The following MTF2 variants were observed in gnomAD, a reference collection of about 807,000 sequenced individuals.
MTF2 encodes metal-response element-binding transcription factor 2.
A neutral mutation model predicts 79.5 loss-of-function variants in MTF2; 11 were observed. The observed-to-expected ratio is 0.14, with a 90% confidence interval of 0.09 to 0.23. MTF2 has a LOEUF of 0.23. Ranked by LOEUF, MTF2 falls within the 10% of genes least tolerant of loss-of-function variation. MTF2 has a pLI of 1.00. For missense variants in MTF2, 486 were observed against 711.2 expected, an observed-to-expected ratio of 0.68 and a Z score of 3.60; for synonymous variants, 208 against 232.8, an observed-to-expected ratio of 0.89 and a Z score of 0.97.
chr1:93,116,238 T>C (rs1394050152), intron 6 of MTF2, among the ~76,000 whole-genome samples: 6 of 13,606 alleles, frequency 4.4e-4, no homozygotes, highest in Non-Finnish European at 1.2e-3. Context: ...TAAAAAGTAT[T>C]TTTTTTTTTG....
intron 1 of MTF2, among the ~76,000 whole-genome samples, chr1:93,083,397 T>C (rs1654695296): frequency 6.6e-6 from 1 of 152,228 alleles, no homozygotes; most frequent in African/African-American, 2.4e-5. Context: ...TTATAGTCAC[T>C]TCATATCTTT....
chr1:93,110,902 C>T (rs531100739), intron 3 of MTF2, among the ~76,000 whole-genome samples: 10 of 152,206 alleles, frequency 6.6e-5, no homozygotes, highest in Admixed American at 5.2e-4. Flanking sequence ...ATCTCAGTAA[C>T]GGTTTGGGAT....
At chr1:93,125,081 A>G (rs972585789) in intron 9 of MTF2, among the ~76,000 whole-genome samples, 2 of 152,024 alleles carry the variant, frequency 1.3e-5, no homozygotes, top group African/African-American at 4.8e-5. Context: ...TAGGGAGTAA[A>G]TACCAAAAGA....
chr1:93,119,003 A>G (rs1181331100), intron 7 of MTF2, among the ~76,000 whole-genome samples: 1 of 152,240 alleles, frequency 6.6e-6, no homozygotes, highest in African/African-American at 2.4e-5. Context: ...GTTGAATTAA[A>G]CTATGTATGT....
intron 1 of MTF2, among the ~76,000 whole-genome samples, chr1:93,104,480 A>G (rs1655675806): frequency 1.3e-5 from 2 of 151,476 alleles, no homozygotes; most frequent in African/African-American, 2.4e-5. Context: ...GGAGATCAAG[A>G]CCATTCTGGC....
At chr1:93,129,022 A>G in intron 10 of MTF2, 1 of 282,510 alleles carries the variant, frequency 3.5e-6, no homozygotes. Context: ...TCCTTTAAAA[A>G]GTTAGTTGCC....
chr1:93,087,818 A>G (rs1470601086), intron 1 of MTF2, among the ~76,000 whole-genome samples: 6 of 152,186 alleles, frequency 3.9e-5, no homozygotes, highest in Non-Finnish European at 5.9e-5. Flanking sequence ...GGTATTACCT[A>G]TCTTTCTTTA....
chr1:93,134,289 A>C, intron 14 of MTF2, 94 bp downstream of exon 14: 1 of 888,024 alleles, frequency 1.1e-6, no homozygotes, highest in Non-Finnish European at 1.7e-6. Flanking sequence ...AGCAATTGAA[A>C]GTGATGTAAG....
intron 1 of MTF2, among the ~76,000 whole-genome samples, chr1:93,101,962 G>A (rs911747291): frequency 1.3e-5 from 2 of 152,026 alleles, no homozygotes; most frequent in African/African-American, 2.4e-5. Context: ...TTGTTAAACT[G>A]AAACTATATG....
chr1:93,109,239 A>G (rs918063412), intron 1 of MTF2, among the ~76,000 whole-genome samples: 15 of 152,174 alleles, frequency 9.9e-5, no homozygotes, highest in Non-Finnish European at 1.9e-4. Flanking sequence ...TTTGCTGTTT[A>G]TGGAATGTCT....
chr1:93,122,541 A>G (rs1409863663), intron 9 of MTF2, among the ~76,000 whole-genome samples: 2 of 152,178 alleles, frequency 1.3e-5, no homozygotes, highest in African/African-American at 4.8e-5. Flanking sequence ...TCTGAAACAT[A>G]CTAGAAAAAA....
At position 93,121,821 on chromosome 1, in the gene MTF2, A is replaced by G. The variant is rs1487763647; in HGVS notation, c.921+1149A>G. 8 of 719,708 alleles carry G rather than the reference A, an allele frequency of 1.1e-5. No homozygotes were observed. The African/African-American group carries it at 1.8e-4, about 16-fold the overall frequency. The allele number at this position is 719,708 out of a possible 1,614,324, so 44.6% of individuals were successfully genotyped here. ...TTTTTTTTTTTTTTTTTTTTTTTGG[A>G]GACGGAGTCTTGCTCTGTCACCCAG... On this transcript the variant is annotated intron_variant, in intron 9 of 14. Coordinates refer to ENST00000370298, the MANE Select transcript of MTF2 (RefSeq NM_007358.4).
chr1:93,109,624 C>T (rs1354558712), intron 1 of MTF2, among the ~76,000 whole-genome samples: 4 of 152,092 alleles, frequency 2.6e-5, no homozygotes, highest in Admixed American at 6.5e-5. Flanking sequence ...CATGAGCCAC[C>T]GCACCTGGCC....
intron 1 of MTF2, among the ~76,000 whole-genome samples, chr1:93,105,092 C>G (rs975270726): frequency 7.4e-6 from 1 of 134,640 alleles, no homozygotes; most frequent in Non-Finnish European, 1.5e-5. Flanking sequence ...TGCAGTGAGC[C>G]GAGATAGCGC....
At chr1:93,079,681 A>T in intron 1 of MTF2, 150 bp downstream of exon 1, 1 of 1,008,770 alleles carries the variant, frequency 9.9e-7, no homozygotes, top group South Asian at 1.4e-5. Context: ...ATTTATGTGT[A>T]TATTGAAAAG....
intron 1 of MTF2, among the ~76,000 whole-genome samples, chr1:93,091,669 T>C (rs942744578): frequency 1.3e-5 from 2 of 152,224 alleles, no homozygotes; most frequent in Admixed American, 1.3e-4. Context: ...GCATAAAAGA[T>C]ACTTACATTT....
Position 93,106,021 on chromosome 1 carries a change from A to G in MTF2, c.6-4209A>G, listed in dbSNP as rs947629084. ...GTAGGGTTAGGGACTTGGTAATCTC[A>G]GTAATTTTTTCCTGGAGGTTTGACT... On this transcript the variant is annotated intron_variant, in intron 1 of 14. Coordinates refer to ENST00000370298, the MANE Select transcript of MTF2 (RefSeq NM_007358.4). Among the ~76,000 whole-genome samples the G allele has an allele frequency of 1.3e-5, 2 of 152,108 alleles. 1 individual carries two copies. Among genetic ancestry groups the G allele is most frequent in the South Asian group, 4.1e-4 (2 of 4,826 alleles).
intron 3 of MTF2, among the ~76,000 whole-genome samples, chr1:93,113,239 A>G (rs1170387228): frequency 6.7e-6 from 1 of 148,558 alleles, no homozygotes; most frequent in Non-Finnish European, 1.5e-5. Context: ...AAAAATAGGC[A>G]TGGTGACACA....
In MTF2 at chr1:93,110,301, C is replaced by T. The variant is rs1285470717; in HGVS notation, c.77C>T (p.Thr26Ile). ...TTACGTCGAAACCAAAAGACCCCAA[C>T]ATCCTTGACCAAGCTGTCTTTACAG... ...SPLRRNQKTPTSLTKLSLQDG... is the reference protein window; with the variant it reads ...SPLRRNQKTPISLTKLSLQDG... The change falls in exon 2 of 15, where the codon ACA (threonine) becomes ATA (isoleucine). Residue 26 changes from threonine to isoleucine, a missense_variant. Around this residue, in one of 4 missense-constraint regions of MTF2, gnomAD observed 75 missense variants for 83.8 expected, o/e 0.89. Coordinates refer to ENST00000370298, the MANE Select transcript of MTF2 (RefSeq NM_007358.4). The T allele has an allele frequency of 1.2e-5, 19 of 1,614,018 alleles. No individual in the cohort carries two copies. Among genetic ancestry groups the T allele is most frequent in the Non-Finnish European group, 1.4e-5 (17 of 1,180,024 alleles).
Sources: gnomAD v4.1 joint callset for allele counts (sites outside exome capture counted in the v4.1 genomes callset) on GRCh38, gnomAD v4.1.1 for gene constraint, gnomAD v4.1.1 regional missense constraint, MANE v1.5 for transcripts, NCBI Gene and HGNC (gene_info 2026-07-23, HGNC 2026-07-21) for gene names.